The following MGAT4C variants were observed in gnomAD, a reference collection of about 807,000 sequenced individuals.
MGAT4C encodes MGAT4 family member C.
A neutral mutation model predicts 40.1 loss-of-function variants in MGAT4C; 19 were observed. The ratio of observed to expected loss-of-function variants is 0.47; its 90% CI spans 0.33 to 0.70. MGAT4C has a LOEUF of 0.70. Among genes scored for constraint, MGAT4C ranks in the 30% least tolerant of loss-of-function variants. The pLI is 0.02. For synonymous variants in MGAT4C, 181 were observed against 187.1 expected (o/e 0.97, Z 0.27); for missense variants, 491 against 563.2 (o/e 0.87, Z 1.30).
chr12:86,012,621 G>A (rs946457667), intron 2 of MGAT4C, among the ~76,000 whole-genome samples: 5 of 151,856 alleles, frequency 3.3e-5, no homozygotes, highest in Non-Finnish European at 5.9e-5. Flanking sequence ...GAGTGGTGGT[G>A]GGCGCCTGTA....
At chr12:86,386,305 C>T (rs1055250448) in intron 3 of MGAT4C, among the ~76,000 whole-genome samples, 9 of 152,096 alleles carry the variant, frequency 5.9e-5, no homozygotes, top group Non-Finnish European at 1.5e-5. Context: ...AAAACAGATG[C>T]CTACATCACC....
chr12:86,797,247 C>A (rs924439176), intron 1 of MGAT4C, among the ~76,000 whole-genome samples: 1 of 151,804 alleles, frequency 6.6e-6, no homozygotes, highest in Non-Finnish European at 1.5e-5. Flanking sequence ...ATTTCAAGCG[C>A]CTTCCCATTA....
chr12:86,083,313 C>G (rs1775106613), intron 1 of MGAT4C, among the ~76,000 whole-genome samples: 1 of 152,084 alleles, frequency 6.6e-6, no homozygotes, highest in Non-Finnish European at 1.5e-5. Flanking sequence ...ACTCAACCTT[C>G]TCTCATTGAT....
intron 1 of MGAT4C, among the ~76,000 whole-genome samples, chr12:86,057,182 T>G (rs1592804021): frequency 6.6e-6 from 1 of 152,240 alleles, no homozygotes; most frequent in African/African-American, 2.4e-5. Context: ...TAATTATTAT[T>G]ATTTTCTTTT....
chr12:86,150,291 C>T (rs1307365009), intron 1 of MGAT4C, among the ~76,000 whole-genome samples: 1 of 152,144 alleles, frequency 6.6e-6, no homozygotes, highest in African/African-American at 2.4e-5. Flanking sequence ...GGGTACCAGT[C>T]CGTGGACCAG....
chr12:86,061,877 G>C (rs1273961420), intron 1 of MGAT4C, among the ~76,000 whole-genome samples: 3 of 152,236 alleles, frequency 2.0e-5, no homozygotes, highest in Non-Finnish European at 4.4e-5. Flanking sequence ...GCCTCAGTCA[G>C]GGACCTATAG....
intron 1 of MGAT4C, among the ~76,000 whole-genome samples, chr12:86,791,314 C>T (rs1401903585): frequency 6.6e-6 from 1 of 152,110 alleles, no homozygotes; most frequent in African/African-American, 2.4e-5. Context: ...TTTGAGGTTC[C>T]CATGATATAT....
At chr12:86,326,479 G>GA (rs1300768115) in intron 4 of MGAT4C, among the ~76,000 whole-genome samples, 2 of 151,374 alleles carry the variant, frequency 1.3e-5, no homozygotes, top group East Asian at 1.9e-4. Flanking sequence ...GGTGAAAAAA[G>GA]AAAAAAATGA....
intron 3 of MGAT4C, among the ~76,000 whole-genome samples, chr12:86,370,735 C>G (rs920645662): frequency 1.3e-5 from 2 of 151,922 alleles, no homozygotes; most frequent in African/African-American, 2.4e-5. Flanking sequence ...TTTTTTTCTT[C>G]CCCTATTTAA....
chr12:86,582,167 T>C (rs972146662), intron 2 of MGAT4C, among the ~76,000 whole-genome samples: 1 of 151,486 alleles, frequency 6.6e-6, no homozygotes, highest in African/African-American at 2.4e-5. Context: ...AAGATGATCA[T>C]GTATATACAA....
intron 2 of MGAT4C, among the ~76,000 whole-genome samples, chr12:86,631,367 C>T (rs1423011478): frequency 6.6e-6 from 1 of 152,050 alleles, no homozygotes; most frequent in Non-Finnish European, 1.5e-5. Flanking sequence ...CCCCATGAAG[C>T]TACCAATGGC....
At chr12:86,798,593 T>G (rs1362735207) in intron 1 of MGAT4C, among the ~76,000 whole-genome samples, 1 of 151,946 alleles carries the variant, frequency 6.6e-6, no homozygotes, top group Non-Finnish European at 1.5e-5. Flanking sequence ...TCCATATTAT[T>G]TATCAATCTT....
At chr12:86,262,271 T>C (rs1166370629) in intron 4 of MGAT4C, among the ~76,000 whole-genome samples, 5 of 152,126 alleles carry the variant, frequency 3.3e-5, no homozygotes, top group African/African-American at 9.6e-5. Flanking sequence ...CTTCCTTTCA[T>C]ATTACTCCTT....
chr12:86,068,334 T>G (rs1201973730), intron 1 of MGAT4C: 2 of 152,102 alleles, frequency 1.3e-5, no homozygotes, highest in Admixed American at 1.3e-4. Context: ...TTAGGAAAAG[T>G]AGCAAGTTTT....
intron 2 of MGAT4C, among the ~76,000 whole-genome samples, chr12:86,466,993 T>C (rs1296977331): frequency 6.6e-6 from 1 of 152,222 alleles, no homozygotes; most frequent in East Asian, 1.9e-4. Context: ...TATTTTGTTT[T>C]ATTCTCATAT....
chr12:86,268,678 T>C (rs1401455044), intron 4 of MGAT4C, among the ~76,000 whole-genome samples: 1 of 139,906 alleles, frequency 7.1e-6, no homozygotes, highest in Non-Finnish European at 1.5e-5. Flanking sequence ...TATATATATA[T>C]ACATATATAC....
chr12:86,238,558 CAG>C (rs1951648085), intron 1 of MGAT4C, among the ~76,000 whole-genome samples: 1 of 152,032 alleles, frequency 6.6e-6, no homozygotes, highest in Admixed American at 6.6e-5. Context: ...TTGGACAACA[CAG>C]ATATAGCTTC....
intron 3 of MGAT4C, among the ~76,000 whole-genome samples, chr12:86,355,875 G>A (rs562983621): frequency 4.2e-4 from 64 of 152,044 alleles, no homozygotes; most frequent in African/African-American, 9.2e-4. Context: ...GCCTCTGTAC[G>A]TTCCTTAAAC....
At chr12:86,114,070 A>G (rs555326830) in intron 1 of MGAT4C, among the ~76,000 whole-genome samples, 1 of 151,990 alleles carries the variant, frequency 6.6e-6, no homozygotes, top group East Asian at 1.9e-4. Context: ...CCTGATTATC[A>G]ACTAACTTCT....
Sources: gnomAD v4.1 joint callset for allele counts (sites outside exome capture counted in the v4.1 genomes callset) on GRCh38, gnomAD v4.1.1 for gene constraint, MANE v1.5 for transcripts, NCBI Gene and HGNC (gene_info 2026-07-23, HGNC 2026-07-21) for gene names.